The following CCNB3 variants were observed in gnomAD, a reference collection of about 807,000 sequenced individuals.
The protein encoded by CCNB3 is G2/mitotic-specific cyclin-B3.
Under a neutral mutation model 68.0 loss-of-function variants are expected in CCNB3, and 12 were observed. That is an observed-to-expected ratio of 0.18 (90% CI 0.11 to 0.29). CCNB3 has a LOEUF of 0.29. CCNB3 is among the 10% of genes least tolerant of loss of function. The pLI is 1.00. For missense variants in CCNB3, 904 were observed against 993.1 expected, an observed-to-expected ratio of 0.91 and a Z score of 1.21; for synonymous variants, 354 against 388.9, an observed-to-expected ratio of 0.91 and a Z score of 1.06.
At position 50,311,508 on chromosome X, in the gene CCNB3, CCTTT is replaced by C; in HGVS notation, c.3327+16_3327+19del. On this transcript the variant is annotated intron_variant, in intron 6 of 12. Transcript: ENST00000376042. ...GAACACCAAAGGAGGTATTCATCTC[CCTTT>C]CTTCTTAAATTAGATAAATTGTTCT... 1 of 1,116,421 alleles carries C rather than the reference CCTTT, an allele frequency of 9.0e-7. No homozygotes were observed. Among genetic ancestry groups the C allele is most frequent in the South Asian group, 2.0e-5 (1 of 51,157 alleles). The allele number at this position is 1,116,421 out of a possible 1,213,427, so 92.0% of individuals were successfully genotyped here.
chrX:50,310,248 T>C lies in CCNB3; in HGVS notation c.2079T>C (p.Ala693=). Residue 693 remains alanine, a synonymous_variant, in exon 6 of 13, where the codon GCT becomes GCC. Transcript: ENST00000376042. Reference sequence around the variant, plus strand: ...AAAGTGGGTCCCTCTTCCAGGAGGCTTTGGTCTTGCAAGAGAAGACTGATG... The same window carrying C: ...AAAGTGGGTCCCTCTTCCAGGAGGCCTTGGTCTTGCAAGAGAAGACTGATG... ...TNKSGSLFQE[A]LVLQEKTDAE... The C allele has an allele frequency of 1.7e-6, 2 of 1,210,607 alleles. No individual in the cohort carries two copies. Among genetic ancestry groups the C allele is most frequent in the Non-Finnish European group, 2.2e-6 (2 of 894,887 alleles).
intron 1 of CCNB3, among the ~76,000 whole-genome samples, chrX:50,279,747 C>A (rs1300550463): frequency 1.2e-5 from 1 of 85,482 alleles, no homozygotes; most frequent in African/African-American, 4.4e-5. Flanking sequence ...TATGTATATT[C>A]ATATATGTAA....
intron 5 of CCNB3, among the ~76,000 whole-genome samples, chrX:50,295,691 A>G (rs1288177542): frequency 9.0e-6 from 1 of 111,578 alleles, no homozygotes; most frequent in Non-Finnish European, 1.9e-5. Flanking sequence ...TGATGTTAAC[A>G]CAGCATCTTT....
intron 1 of CCNB3, among the ~76,000 whole-genome samples, chrX:50,228,015 A>G (rs1225725875): frequency 1.2e-5 from 1 of 86,158 alleles, no homozygotes; most frequent in East Asian, 3.3e-4. Flanking sequence ...ATATATAAAT[A>G]TATAGAGAGA....
intron 1 of CCNB3, among the ~76,000 whole-genome samples, chrX:50,211,779 C>T (rs1347800744): frequency 8.9e-6 from 1 of 111,854 alleles, no homozygotes; most frequent in Non-Finnish European, 1.9e-5. Flanking sequence ...ATATAAAAGC[C>T]GTCTTGAGAA....
intron 1 of CCNB3, among the ~76,000 whole-genome samples, chrX:50,228,678 T>C (rs1935982065): frequency 2.5e-5 from 2 of 81,532 alleles, no homozygotes; most frequent in Non-Finnish European, 4.4e-5. Flanking sequence ...ATAGAATATA[T>C]ATAGAATATA....
intron 1 of CCNB3, among the ~76,000 whole-genome samples, chrX:50,206,930 G>A (rs1281720651): frequency 3.6e-5 from 4 of 111,016 alleles, no homozygotes; most frequent in African/African-American, 1.3e-4. Context: ...ATGATGAATC[G>A]GGGTAATGAC....
Position 50,209,427 on chromosome X carries a change from C to G in CCNB3, c.-113+4477C>G, listed in dbSNP as rs868908899. Among the ~76,000 whole-genome samples the G allele has an allele frequency of 1.9e-3, 210 of 110,980 alleles. 2 individuals are homozygous for G. The highest frequency in any genetic ancestry group is 9.2e-3 in the Middle Eastern group (2 of 217). On this transcript the variant is annotated intron_variant, in intron 1 of 12. Coordinates refer to ENST00000376042, the MANE Select transcript of CCNB3 (RefSeq NM_033031.3). ...CTGGGGTGCAGTGGCGCGATCTCAG[C>G]TCACTGCAACCTCTGCCTCCTGGGT... is the stretch of plus-strand genomic sequence containing the variant.
At chrX:50,319,751 A>G (rs1453749998) in intron 8 of CCNB3, among the ~76,000 whole-genome samples, 4 of 111,564 alleles carry the variant, frequency 3.6e-5, no homozygotes, top group African/African-American at 1.3e-4. Context: ...ATTTTTGTAA[A>G]CACCTTTGAT....
chrX:50,226,235 TTATATATATAGAATATATATATTTA>T (rs1935778002), intron 1 of CCNB3, among the ~76,000 whole-genome samples: 2 of 61,020 alleles, frequency 3.3e-5, no homozygotes, highest in African/African-American at 1.4e-4. Flanking sequence ...ATATATATAT[TTATATATATAGAATATATATATTTA>T]TATATATAGA....
In CCNB3 at chrX:50,345,913, G is replaced by T. The variant is rs191236622; in HGVS notation, c.3655-739G>T. On this transcript the variant is annotated intron_variant, in intron 9 of 12. Coordinates refer to ENST00000376042, the MANE Select transcript of CCNB3 (RefSeq NM_033031.3). Reference sequence around the variant, plus strand: ...CATCCAAAAATAGGGGAAAGGTGGGGGAAGAAAGCTGTTGCGGGCAGTAAG... The same window carrying T: ...CATCCAAAAATAGGGGAAAGGTGGGTGAAGAAAGCTGTTGCGGGCAGTAAG... Among the ~76,000 whole-genome samples, 772 of 112,420 alleles carry T rather than the reference G, an allele frequency of 6.9e-3. 9 individuals are homozygous for T. Among genetic ancestry groups the T allele is most frequent in the African/African-American group, 0.023 (727 of 30,965 alleles).
chrX:50,283,416 C>A (rs1435341540), intron 1 of CCNB3, among the ~76,000 whole-genome samples: 1 of 111,636 alleles, frequency 9.0e-6, no homozygotes, highest in Non-Finnish European at 1.9e-5. Flanking sequence ...TAGAATTGTA[C>A]CTGCCTTGCT....
chrX:50,313,247 A>G (rs1921560216), intron 7 of CCNB3, among the ~76,000 whole-genome samples: 2 of 111,431 alleles, frequency 1.8e-5, no homozygotes, highest in Non-Finnish European at 3.8e-5. Flanking sequence ...GTCATGTATA[A>G]GAGGGTGGGA....
intron 1 of CCNB3, among the ~76,000 whole-genome samples, chrX:50,279,818 T>C (rs1369188455): frequency 1.1e-5 from 1 of 87,799 alleles, no homozygotes; most frequent in East Asian, 3.4e-4. Context: ...ATATATATGG[T>C]ATTTATATAA....
intron 1 of CCNB3, among the ~76,000 whole-genome samples, chrX:50,206,242 A>AAAATAAAT (rs781814595): frequency 8.3e-5 from 9 of 108,533 alleles, no homozygotes; most frequent in East Asian, 2.9e-4. Context: ...ATTCCATCTC[A>AAAATAAAT]AAATAAATAA....
At chrX:50,279,641 T>C (rs893751743) in intron 1 of CCNB3, among the ~76,000 whole-genome samples, 3 of 90,681 alleles carry the variant, frequency 3.3e-5, no homozygotes, top group South Asian at 9.6e-4. Flanking sequence ...AATATATGAA[T>C]ATGTACATTC....
intron 8 of CCNB3, among the ~76,000 whole-genome samples, chrX:50,322,456 A>T (rs1487941670): frequency 2.7e-5 from 3 of 111,693 alleles, no homozygotes; most frequent in Non-Finnish European, 5.6e-5. Flanking sequence ...TTAGACCTAA[A>T]ACCATAAAAA....
At chrX:50,350,528 G>A (rs1372472680) in intron 11 of CCNB3, among the ~76,000 whole-genome samples, 2 of 111,556 alleles carry the variant, frequency 1.8e-5, no homozygotes, top group Non-Finnish European at 1.9e-5. Context: ...CCAGAGAGGA[G>A]GATCAGCCTT....
At chrX:50,227,247 GAA>G (rs1491404248) in intron 1 of CCNB3, among the ~76,000 whole-genome samples, 94 of 70,176 alleles carry the variant, frequency 1.3e-3, no homozygotes, top group Non-Finnish European at 2.2e-3. Context: ...TATATATACA[GAA>G]TATATATATA....
Sources: allele counts gnomAD v4.1 joint callset (sites outside exome capture counted in the v4.1 genomes callset), GRCh38; gene constraint gnomAD v4.1.1; transcripts MANE v1.5; gene names NCBI Gene and HGNC (gene_info 2026-07-23, HGNC 2026-07-21).